TANC1: variants seen among roughly 807,000 people sequenced by gnomAD.
TANC1 encodes the protein protein TANC1.
In TANC1, 77 loss-of-function variants were observed where a neutral mutation model predicts 149.7. The ratio of observed to expected loss-of-function variants is 0.51; its 90% confidence interval spans 0.43 to 0.62. The LOEUF (loss-of-function observed/expected upper bound fraction) is 0.62. Ranked by LOEUF, TANC1 falls within the 20% of genes least tolerant of loss-of-function variation. TANC1 has a pLI of 0.00. For synonymous variants in TANC1, 854 were observed against 925.0 expected, an observed-to-expected ratio of 0.92 and a Z score of 1.39; for missense variants, 1,985 against 2,321.8, an observed-to-expected ratio of 0.85 and a Z score of 2.98.
At chr2:159,119,773 A>G (rs264592) in intron 4 of TANC1, among the ~76,000 whole-genome samples, 132,992 of 152,122 alleles carry the variant, frequency 0.87, 59,023 homozygotes, top group Non-Finnish European at 0.94. Flanking sequence ...CTGATGTCAC[A>G]GGTTACCTAT....
At position 159,228,918 on chromosome 2, in the gene TANC1, G is replaced by A. The variant is rs1394648669; in HGVS notation, c.4151+22G>A. Reference sequence around the variant, plus strand: ...GCAGGTACCGTCTGTGGTTATCTTTGTGTCTAGAGCTTTTTTTCTTGTGGG... The same window carrying A: ...GCAGGTACCGTCTGTGGTTATCTTTATGTCTAGAGCTTTTTTTCTTGTGGG... On this transcript the variant is annotated intron_variant, in intron 26 of 26. Coordinates refer to ENST00000263635, the MANE Select transcript of TANC1 (RefSeq NM_033394.3). 3 of 1,591,858 alleles carry A rather than the reference G, an allele frequency of 1.9e-6. No individual in the cohort carries two copies. The South Asian group carries it at 3.3e-5, about 18-fold the overall frequency.
At chr2:159,169,689 C>T (rs777631019) in intron 9 of TANC1, among the ~76,000 whole-genome samples, 181 of 152,074 alleles carry the variant, frequency 1.2e-3, no homozygotes, top group Admixed American at 7.9e-4. Context: ...AAAGTATAAG[C>T]TTTGTTTCAA....
chr2:159,114,174 C>T (rs932352995), intron 4 of TANC1, among the ~76,000 whole-genome samples: 5 of 152,102 alleles, frequency 3.3e-5, no homozygotes, highest in African/African-American at 9.7e-5. Flanking sequence ...CACAAGACAA[C>T]GAGCTGATAC....
rs59059195 is a variant in TANC1 at position 159,025,189 on chromosome 2, TTTTCTTTCTTTCTTTCTTTCTTTC to T, written c.-16+24028_-16+24051del. Among the ~76,000 whole-genome samples the T allele has an allele frequency of 2.3e-4, 24 of 105,286 alleles. 1 individual carries two copies. The highest frequency in any genetic ancestry group is 8.7e-4 in the African/African-American group (24 of 27,706). The allele number at this position is 105,286 out of a possible 152,430, so 69.1% of individuals were successfully genotyped here. A position where few individuals can be genotyped will look rare whatever the true frequency, so the allele number is the denominator to read the frequency against. ...TTCTTTCTTTCTTTCTTTTTCTTTC[TTTTCTTTCTTTCTTTCTTTCTTTC>T]TTTCTTTCTTTCTTTCTTTCTTTCT... is the stretch of plus-strand genomic sequence containing the variant. On this transcript the variant is annotated intron_variant, in intron 2 of 26. Transcript: ENST00000263635.
chr2:159,106,215 C>G (rs1448396311), intron 4 of TANC1, among the ~76,000 whole-genome samples: 1 of 152,148 alleles, frequency 6.6e-6, no homozygotes, highest in African/African-American at 2.4e-5. Context: ...CAACCATCCC[C>G]ACAGTCTTAA....
At chr2:159,016,436 C>T (rs2038273382) in intron 2 of TANC1, among the ~76,000 whole-genome samples, 1 of 152,164 alleles carries the variant, frequency 6.6e-6, no homozygotes, top group Non-Finnish European at 1.5e-5. Context: ...TAGACTTTGA[C>T]ATGAATTTTG....
At chr2:159,005,505 C>T (rs1001519251) in intron 2 of TANC1, among the ~76,000 whole-genome samples, 8 of 152,096 alleles carry the variant, frequency 5.3e-5, no homozygotes, top group Admixed American at 3.3e-4. Flanking sequence ...GGAGGATCAC[C>T]TGAGCCCAGG....
intron 8 of TANC1, among the ~76,000 whole-genome samples, chr2:159,165,128 A>C (rs1197061605): frequency 4.6e-5 from 7 of 152,218 alleles, no homozygotes; most frequent in African/African-American, 1.7e-4. Context: ...TAAAATTAGG[A>C]AACATTACTG....
At chr2:159,089,109 G>T (rs1440321797) in intron 3 of TANC1, among the ~76,000 whole-genome samples, 1 of 152,130 alleles carries the variant, frequency 6.6e-6, no homozygotes, top group Non-Finnish European at 1.5e-5. Context: ...CAGGGTCAGG[G>T]GTTTGCTATC....
At chr2:159,135,088 AC>A (rs1430472836) in intron 4 of TANC1, among the ~76,000 whole-genome samples, 2 of 152,134 alleles carry the variant, frequency 1.3e-5, no homozygotes, top group African/African-American at 4.8e-5. Context: ...CATATCCCTT[AC>A]CATTACCCCA....
At chr2:159,010,335 A>C (rs575763389) in intron 2 of TANC1, among the ~76,000 whole-genome samples, 1 of 152,234 alleles carries the variant, frequency 6.6e-6, no homozygotes, top group Non-Finnish European at 1.5e-5. Flanking sequence ...ATAGTTGGCA[A>C]ATACTTAGAA....
At chr2:159,164,948 G>A (rs1052237372) in intron 8 of TANC1, among the ~76,000 whole-genome samples, 2 of 152,114 alleles carry the variant, frequency 1.3e-5, no homozygotes, top group African/African-American at 4.8e-5. Flanking sequence ...AAGCTTTCCT[G>A]TCCTCCCACC....
intron 3 of TANC1, among the ~76,000 whole-genome samples, chr2:159,080,507 G>A (rs2032757): frequency 7.2e-5 from 11 of 152,006 alleles, no homozygotes; most frequent in African/African-American, 2.4e-4. Context: ...TTAAGAGTCT[G>A]TGGTGCTCCA....
chr2:159,091,518 A>C (rs1019379380), intron 3 of TANC1, among the ~76,000 whole-genome samples: 2 of 152,220 alleles, frequency 1.3e-5, no homozygotes, highest in African/African-American at 4.8e-5. Context: ...TCTTAAAAGG[A>C]AAACTTTGAC....
At chr2:159,126,846 C>T (rs1337474224) in intron 4 of TANC1, among the ~76,000 whole-genome samples, 5 of 152,240 alleles carry the variant, frequency 3.3e-5, no homozygotes, top group African/African-American at 1.2e-4. Flanking sequence ...CTGTGGTTCT[C>T]ACCCTTGTGC....
chr2:159,075,416 C>CAAA (rs55932985), intron 3 of TANC1, among the ~76,000 whole-genome samples: 1 of 143,926 alleles, frequency 6.9e-6, no homozygotes. Context: ...AAAAAAAAAA[C>CAAA]AAAAAAAAAA....
chr2:159,183,650 A>T (rs190408803), intron 14 of TANC1, among the ~76,000 whole-genome samples: 2 of 151,962 alleles, frequency 1.3e-5, no homozygotes, highest in Non-Finnish European at 2.9e-5. Flanking sequence ...GCGTCTTGGG[A>T]TGGGAGGTGG....
rs762294859 is a variant in TANC1 at position 159,217,573 on chromosome 2, G to A, written c.3321G>A (p.Arg1107=). ...TGGGGCATGGAGCTGCTGTGTCGCG[G>A]ACAAACAGGAGAGGGGTTCCACCTT... ...LLLGHGAAVS[R]TNRRGVPPLF... The change falls in exon 20 of 27, where the codon CGG becomes CGA. Residue 1107 remains arginine (R), a synonymous_variant. Transcript: ENST00000263635. 6.8e-6 allele frequency: 11 copies of A among 1,614,120 alleles called. No homozygotes were observed. Among genetic ancestry groups the A allele is most frequent in the Non-Finnish European group, 9.3e-6 (11 of 1,180,044 alleles).
chr2:159,119,062 C>T (rs1460729291), intron 4 of TANC1, among the ~76,000 whole-genome samples: 4 of 152,100 alleles, frequency 2.6e-5, no homozygotes, highest in Non-Finnish European at 5.9e-5. Context: ...ATAGCTGAGG[C>T]GTAAAAGTAG....
Sources: gnomAD v4.1 joint callset for allele counts (sites outside exome capture counted in the v4.1 genomes callset) on GRCh38, gnomAD v4.1.1 for gene constraint, MANE v1.5 for transcripts, NCBI Gene and HGNC (gene_info 2026-07-23, HGNC 2026-07-21) for gene names.